PTCH1: variants seen among roughly 807,000 people sequenced by gnomAD.
PTCH1 encodes patched 1.
In PTCH1, 14 loss-of-function variants were observed where a neutral mutation model predicts 144.6. The ratio of observed to expected loss-of-function variants is 0.10; its 90% CI spans 0.06 to 0.15. PTCH1 has a LOEUF of 0.15. Ranked by LOEUF, PTCH1 falls within the 10% of genes least tolerant of loss-of-function variation. The probability of loss-of-function intolerance (pLI) is 1.00; values close to 1 mark genes in which losing one functional copy is unlikely to be tolerated. For synonymous variants in PTCH1, 833 were observed against 793.6 expected (o/e 1.05, Z -0.83); for missense variants, 1,623 against 1,948.3 (o/e 0.83, Z 3.14).
rs371121321 is a variant in PTCH1, at chr9:95,449,814, G to A, written c.3549+27C>T. On this transcript the variant is annotated intron_variant, in intron 21 of 23. Transcript: ENST00000331920. The surrounding 1 kb of genome is among the most constrained non-coding windows in gnomAD (Gnocchi z 5.3). ...AACACAGCATTCAGCCGGCCTACAC[G>A]TGGGACATCCCCGTGTCACTACTGA... is the stretch of plus-strand genomic sequence containing the variant. 35 of 1,580,258 alleles carry A rather than the reference G, an allele frequency of 2.2e-5. No individual in the cohort carries two copies. Among genetic ancestry groups the A allele is most frequent in the African/African-American group, 5.4e-5 (4 of 74,112 alleles).
At chr9:95,513,863 T>C (rs745930881), upstream of PTCH1, among the ~76,000 whole-genome samples, 6 of 152,058 alleles carry the variant, frequency 3.9e-5, no homozygotes, top group Non-Finnish European at 5.9e-5. Context: ...TCTAGCCAAC[T>C]TGTCAAAATA....
chr9:95,500,559 G>A (rs566622260), intron 2 of PTCH1, among the ~76,000 whole-genome samples: 40 of 152,296 alleles, frequency 2.6e-4, no homozygotes, highest in Non-Finnish European at 5.0e-4. Flanking sequence ...CAACCCCAGA[G>A]AAAAGAAACC....
At chr9:95,513,190 C>G (rs1003938524), upstream of PTCH1, among the ~76,000 whole-genome samples, 1 of 152,212 alleles carries the variant, frequency 6.6e-6, no homozygotes, top group Admixed American at 6.5e-5. Flanking sequence ...GGAAGCCAGA[C>G]TTGGTGGAGT....
chr9:95,508,053 G>T (rs1315457510), intron 1 of PTCH1, 108 bp downstream of exon 1: 12 of 1,556,538 alleles, frequency 7.7e-6, no homozygotes, highest in Non-Finnish European at 9.5e-6. Flanking sequence ...GTGTGTGTGT[G>T]TGTGTGAGAG....
exon 1 of PTCH1, chr9:95,516,651 C>T: frequency 2.5e-6 from 4 of 1,612,248 alleles, no homozygotes; most frequent in Non-Finnish European, 3.4e-6. Flanking sequence ...TTTGTCTCCC[C>T]TGTCGTCTTT....
intron 15 of PTCH1, among the ~76,000 whole-genome samples, chr9:95,463,984 GC>G (rs1315837575): frequency 4.6e-5 from 7 of 152,196 alleles, no homozygotes; most frequent in African/African-American, 1.7e-4. Context: ...AAATCTGGGG[GC>G]GGTTTTATGA....
chr9:95,515,225 A>G (rs1436963791), intron 1 of PTCH1, among the ~76,000 whole-genome samples: 3 of 152,234 alleles, frequency 2.0e-5, no homozygotes, highest in African/African-American at 7.2e-5. Context: ...AAAGAAATGC[A>G]CACACACAGA....
chr9:95,507,061 G>T (rs1188043897), intron 1 of PTCH1: 5 of 986,998 alleles, frequency 5.1e-6, no homozygotes, highest in African/African-American at 1.7e-5. Flanking sequence ...GCGCTCTTTG[G>T]AACAACATAT....
At position 95,508,197 on chromosome 9, in the gene PTCH1, G is replaced by A. The variant is rs2118906953; in HGVS notation, c.165C>T (p.Tyr55=). 1 of 1,612,648 alleles carries A rather than the reference G, an allele frequency of 6.2e-7. No individual in the cohort carries two copies. The highest frequency in any genetic ancestry group is 8.5e-7 in the Non-Finnish European group (1 of 1,179,772). ...PDRDYLHRPS[Y]CDAAFALEQI... ...GCTCCAGAGCGAAGGCGGCGTCGCA[G>A]TAGCTGGGCCGGTGCAGATAGTCCC... The change falls in exon 1 of 24, where the codon TAC becomes TAT. Residue 55 remains tyrosine (Y), a synonymous_variant. Coordinates refer to ENST00000331920, the MANE Select transcript of PTCH1 (RefSeq NM_000264.5).
chr9:95,453,454 G>A, intron 20 of PTCH1, 24 bp downstream of exon 20: 1 of 1,613,602 alleles, frequency 6.2e-7, no homozygotes, highest in Non-Finnish European at 8.5e-7. Context: ...TCTAAAACAT[G>A]TCTCCTTGCA....
chr9:95,498,591 T>C (rs1442571405), intron 2 of PTCH1, among the ~76,000 whole-genome samples: 7 of 151,988 alleles, frequency 4.6e-5, no homozygotes, highest in Non-Finnish European at 1.0e-4. Context: ...TCAATGGCAG[T>C]ATTCTGCTGT....
chr9:95,494,118 G>A, intron 2 of PTCH1: 1 of 780,424 alleles, frequency 1.3e-6, no homozygotes, highest in Non-Finnish European at 1.6e-6. Flanking sequence ...GCTGGGCGCA[G>A]GTAGTGCGCA....
At chr9:95,460,501 T>G (rs1337324241) in intron 16 of PTCH1, among the ~76,000 whole-genome samples, 1 of 152,174 alleles carries the variant, frequency 6.6e-6, no homozygotes, top group African/African-American at 2.4e-5. Context: ...CGTTTCCTGT[T>G]TATTTTAGAT....
intron 15 of PTCH1, 137 bp from the exon 16 acceptor site, chr9:95,462,135 A>G: frequency 9.9e-7 from 1 of 1,009,692 alleles, no homozygotes; most frequent in African/African-American, 1.6e-5. Flanking sequence ...TGTGTCCCAC[A>G]TCCACTTTGA....
chr9:95,507,075 G>A, intron 1 of PTCH1: 1 of 986,390 alleles, frequency 1.0e-6, no homozygotes, highest in Non-Finnish European at 1.2e-6. Context: ...AACATATTGC[G>A]GGTTCCCCCA....
At chr9:95,501,125 C>G (rs1843121207) in intron 2 of PTCH1, among the ~76,000 whole-genome samples, 2 of 152,220 alleles carry the variant, frequency 1.3e-5, no homozygotes. Flanking sequence ...TCCATCTGCA[C>G]AGCATGAGTC....
At chr9:95,500,237 T>C (rs1439056722) in intron 2 of PTCH1, among the ~76,000 whole-genome samples, 1 of 151,994 alleles carries the variant, frequency 6.6e-6, no homozygotes, top group South Asian at 2.1e-4. Flanking sequence ...CCTCTCAACT[T>C]GGTGAAGGGT....
chr9:95,451,948 A>G (rs1838490269), intron 20 of PTCH1: 1 of 152,238 alleles, frequency 6.6e-6, no homozygotes, highest in African/African-American at 2.4e-5. Flanking sequence ...TTGCTGGCTT[A>G]GCAGTAGTTT....
intron 1 of PTCH1, chr9:95,507,228 C>A (rs961633757): frequency 3.0e-6 from 3 of 985,406 alleles, no homozygotes; most frequent in African/African-American, 1.7e-5. Context: ...CTGCAACTTA[C>A]GACAATATTT....
Sources: gnomAD v4.1 joint callset for allele counts (sites outside exome capture counted in the v4.1 genomes callset) on GRCh38, gnomAD v4.1.1 for gene constraint, Gnocchi (gnomAD v3.1) non-coding constraint, MANE v1.5 for transcripts, NCBI Gene and HGNC (gene_info 2026-07-23, HGNC 2026-07-21) for gene names.